Variants in GGACT observed in about 807,000 individuals in gnomAD.
GGACT encodes gamma-glutamylaminecyclotransferase.
For synonymous variants in GGACT, 118 were observed against 115.3 expected (o/e 1.02, Z -0.15); for missense variants, 241 against 233.2 (o/e 1.03, Z -0.22).
Position 100,534,415 on chromosome 13 carries a change from G to A in GGACT, c.-10-1814C>T, listed in dbSNP as rs568551089. On this transcript the variant is annotated intron_variant, in intron 2 of 2. Coordinates refer to ENST00000683975, the MANE Select transcript of GGACT (RefSeq NM_001195087.2). This position sits in a 1 kb window ranked among gnomAD's most constrained non-coding sequence, Gnocchi z 4.9. ...AATTAAGGAGAACCTGGGGTAGGAC[G>A]GTACTGAGGAAGAGAAGAGGCAAGT... 2.6e-5 allele frequency among the ~76,000 whole-genome samples: 4 copies of A among 152,188 alleles called. No homozygotes were observed. The highest frequency in any genetic ancestry group is 4.2e-4 in the South Asian group (2 of 4,816).
chr13:100,562,142 C>G (rs1237492120), intron 2 of GGACT, among the ~76,000 whole-genome samples: 2 of 152,064 alleles, frequency 1.3e-5, no homozygotes, highest in Non-Finnish European at 2.9e-5. Flanking sequence ...ACCTAAAGCT[C>G]AAATTACTGG....
chr13:100,583,010 TG>T (rs1875463839), intron 2 of GGACT, among the ~76,000 whole-genome samples: 1 of 152,218 alleles, frequency 6.6e-6, no homozygotes, highest in African/African-American at 2.4e-5. Flanking sequence ...TAAAAAAAAC[TG>T]TGTTATGGAA....
chr13:100,544,545 T>G (rs1476895662), intron 2 of GGACT, among the ~76,000 whole-genome samples: 1 of 152,188 alleles, frequency 6.6e-6, no homozygotes, highest in East Asian at 1.9e-4. Context: ...CCGGCCCCGG[T>G]AAAACGCTGG....
At chr13:100,585,688 A>C (rs1308505701) in intron 1 of GGACT, among the ~76,000 whole-genome samples, 2 of 151,706 alleles carry the variant, frequency 1.3e-5, no homozygotes, top group Non-Finnish European at 2.9e-5. Flanking sequence ...GAATCACTTG[A>C]ACCCAGGAGG....
At chr13:100,558,312 C>CA (rs1290640932) in intron 2 of GGACT, among the ~76,000 whole-genome samples, 1 of 151,892 alleles carries the variant, frequency 6.6e-6, no homozygotes, top group Non-Finnish European at 1.5e-5. Context: ...ACTACCTCTC[C>CA]AAAAAAACCA....
At chr13:100,588,306 GC>G (rs1435736294) in intron 1 of GGACT, among the ~76,000 whole-genome samples, 1 of 152,186 alleles carries the variant, frequency 6.6e-6, no homozygotes, top group Non-Finnish European at 1.5e-5. Flanking sequence ...TTCTTTTGCA[GC>G]TTCTAGTCTC....
In GGACT at chr13:100,531,372, G is replaced by A. The variant is rs779794032; in HGVS notation, c.*758C>T. The A allele has an allele frequency of 2.0e-5, 3 of 152,248 alleles. No homozygotes were observed. Among genetic ancestry groups the A allele is most frequent in the Non-Finnish European group, 2.9e-5 (2 of 68,056 alleles). The allele number at this position is 152,248 out of a possible 1,614,324, so 9.4% of individuals were successfully genotyped here. ...CCAAATGCTCTCCCTTCAGGGGGCA[G>A]GGACGGGGTCTGGCTACTGAGATCT... On this transcript the variant is annotated 3_prime_UTR_variant, in exon 3 of 3. Coordinates refer to ENST00000683975, the MANE Select transcript of GGACT (RefSeq NM_001195087.2).
chr13:100,539,676 G>A, intron 2 of GGACT: 1 of 560,800 alleles, frequency 1.8e-6, no homozygotes, highest in Non-Finnish European at 3.1e-6. Flanking sequence ...TTCTTGGAGT[G>A]TCTTTGGCCT....
chr13:100,539,833 T>TTTTTTAATA, intron 2 of GGACT: 1 of 705,666 alleles, frequency 1.4e-6, no homozygotes, highest in Non-Finnish European at 2.4e-6. Context: ...TTTTTTTTTT[T>TTTTTTAATA]AAGTACAATT....
chr13:100,577,418 AAAATAAAT>A lies in GGACT; in HGVS notation c.-11+6399_-11+6406del, dbSNP rs59417268. ...GTGACAAGAGCGAGACTCCATCTCA[AAAATAAAT>A]AAATAAATAAATAAATAAATAAATA... On this transcript the variant is annotated intron_variant, in intron 2 of 2. Coordinates refer to ENST00000683975, the MANE Select transcript of GGACT (RefSeq NM_001195087.2). 6.1e-3 allele frequency among the ~76,000 whole-genome samples: 863 copies of A among 141,222 alleles called. 13 individuals carry two copies. The highest frequency in any genetic ancestry group is 0.02 in the African/African-American group (749 of 38,350). The allele number at this position is 141,222 out of a possible 152,430, so 92.6% of individuals were successfully genotyped here.
intron 2 of GGACT, among the ~76,000 whole-genome samples, chr13:100,576,434 CT>C (rs993450360): frequency 6.6e-6 from 1 of 152,118 alleles, no homozygotes; most frequent in Non-Finnish European, 1.5e-5. Context: ...AGCAATTGCA[CT>C]CCTAGGAATC....
chr13:100,543,680 T>A (rs951003203), intron 2 of GGACT, among the ~76,000 whole-genome samples: 3 of 152,218 alleles, frequency 2.0e-5, no homozygotes, highest in African/African-American at 7.2e-5. Flanking sequence ...ATACTGCCAG[T>A]TGGCAAGTTA....
At chr13:100,574,976 C>T (rs1243616677) in intron 2 of GGACT, among the ~76,000 whole-genome samples, 1 of 152,142 alleles carries the variant, frequency 6.6e-6, no homozygotes, top group Non-Finnish European at 1.5e-5. Flanking sequence ...CCTCAAGAGC[C>T]CATCTGATGT....
chr13:100,535,522 G>A (rs550420228), intron 2 of GGACT, among the ~76,000 whole-genome samples: 5 of 152,276 alleles, frequency 3.3e-5, no homozygotes, highest in East Asian at 1.9e-4. Context: ...CTCAGAGACC[G>A]CGGTGGGTAC....
intron 2 of GGACT, among the ~76,000 whole-genome samples, chr13:100,535,126 C>T (rs533880788): frequency 2.0e-5 from 3 of 152,336 alleles, no homozygotes; most frequent in East Asian, 1.9e-4. Context: ...ACCAGCCAGC[C>T]GGGCAGGGCC....
At chr13:100,546,223 A>G (rs1334623925) in intron 2 of GGACT, among the ~76,000 whole-genome samples, 2 of 151,974 alleles carry the variant, frequency 1.3e-5, no homozygotes, top group African/African-American at 2.4e-5. Flanking sequence ...TTAGCCGGGC[A>G]TGGTGGCGGG....
chr13:100,582,789 C>T (rs1020745553), intron 2 of GGACT, among the ~76,000 whole-genome samples: 2 of 152,184 alleles, frequency 1.3e-5, no homozygotes, highest in Admixed American at 1.3e-4. Context: ...TAGTAAGTGG[C>T]AGTGTCAGGA....
In GGACT at chr13:100,585,503, C is replaced by T. The variant is rs538033885; in HGVS notation, c.-183-1506G>A. 6.6e-5 allele frequency among the ~76,000 whole-genome samples: 10 copies of T among 152,172 alleles called. No individual in the cohort carries two copies. The South Asian group carries it at 2.1e-3, about 32-fold the overall frequency. On this transcript the variant is annotated intron_variant, in intron 1 of 2. Coordinates refer to ENST00000683975, the MANE Select transcript of GGACT (RefSeq NM_001195087.2). Reference sequence around the variant, plus strand: ...GGGGCAACAGCTGAGCACGGTGGCTCACGGCTGTAATCGCAGCACTTTGGG... The same window carrying T: ...GGGGCAACAGCTGAGCACGGTGGCTTACGGCTGTAATCGCAGCACTTTGGG...
intron 2 of GGACT, among the ~76,000 whole-genome samples, chr13:100,580,351 G>A (rs772486780): frequency 6.6e-6 from 1 of 152,200 alleles, no homozygotes; most frequent in Admixed American, 6.5e-5. Flanking sequence ...TCCTTATGAG[G>A]GACAGAAGAC....
Sources: gnomAD v4.1 joint callset for allele counts (sites outside exome capture counted in the v4.1 genomes callset) on GRCh38, gnomAD v4.1.1 for gene constraint, Gnocchi (gnomAD v3.1) non-coding constraint, MANE v1.5 for transcripts, NCBI Gene and HGNC (gene_info 2026-07-23, HGNC 2026-07-21) for gene names.